JHY: variants seen among roughly 807,000 people sequenced by gnomAD.
JHY encodes jhy protein homolog.
JHY carries 69 observed loss-of-function variants against 78.0 expected under a neutral mutation model. The ratio of observed to expected loss-of-function variants is 0.88; its 90% CI spans 0.73 to 1.08. The LOEUF (loss-of-function observed/expected upper bound fraction) is 1.08, where lower values mean the gene tolerates loss of function less well. Ranked by LOEUF, JHY falls within the 50% of genes least tolerant of loss-of-function variation. JHY has a pLI of 0.00. For synonymous variants in JHY, 368 were observed against 342.6 expected, an observed-to-expected ratio of 1.07 and a Z score of -0.82; for missense variants, 944 against 927.8, an observed-to-expected ratio of 1.02 and a Z score of -0.23.
intron 3 of JHY, among the ~76,000 whole-genome samples, chr11:122,922,382 T>A (rs556052411): frequency 3.9e-5 from 6 of 152,206 alleles, no homozygotes; most frequent in African/African-American, 1.4e-4. Flanking sequence ...AAGAAAATGT[T>A]GTGTTTTGTC....
chr11:122,885,824 C>T lies in JHY; in HGVS notation c.-26C>T. The T allele has an allele frequency of 1.3e-6, 2 of 1,547,102 alleles. No individual in the cohort carries two copies. Among genetic ancestry groups the T allele is most frequent in the Non-Finnish European group, 1.8e-6 (2 of 1,128,386 alleles). On this transcript the variant is annotated 5_prime_UTR_variant, in exon 2 of 9. Coordinates refer to ENST00000227349, the MANE Select transcript of JHY (RefSeq NM_024806.4). ...GCTGCTCCTATCAACACGAGTATCC[C>T]CTGTTAATTTTTTGCATTTTTCAAG...
chr11:122,927,733 CTT>C (rs113552516), intron 4 of JHY, among the ~76,000 whole-genome samples: 30 of 140,172 alleles, frequency 2.1e-4, no homozygotes, highest in South Asian at 1.1e-3. Context: ...TTTCTTTTTT[CTT>C]TTTTTTTTTT....
chr11:122,957,349 GTT>G lies in JHY; in HGVS notation c.2011-12_2011-11del. 1 of 1,512,714 alleles carries G rather than the reference GTT, an allele frequency of 6.6e-7. No individual in the cohort carries two copies. Among genetic ancestry groups the G allele is most frequent in the Non-Finnish European group, 8.7e-7 (1 of 1,143,266 alleles). The allele number at this position is 1,512,714 out of a possible 1,614,324, so 93.7% of individuals were successfully genotyped here. A position where few individuals can be genotyped will look rare whatever the true frequency, so the allele number is the denominator to read the frequency against. On this transcript the variant is annotated splice_polypyrimidine_tract_variant and intron_variant, in intron 7 of 8. Transcript: ENST00000227349. ...CAGCACCTGGATTCATCATAACTTTGTTTCTCTGAACAGACGCAAAAATTAAT... is the reference window on the plus strand; with the variant it reads ...CAGCACCTGGATTCATCATAACTTTGTCTCTGAACAGACGCAAAAATTAAT...
intron 3 of JHY, 134 bp from the exon 4 acceptor site, chr11:122,924,763 A>T (rs771780588): frequency 2.3e-5 from 15 of 648,380 alleles, no homozygotes; most frequent in Non-Finnish European, 3.5e-5. Flanking sequence ...GACTGATGAG[A>T]TGAATCCTTG....
At chr11:122,940,887 A>C (rs560062518) in intron 5 of JHY, among the ~76,000 whole-genome samples, 1 of 142,074 alleles carries the variant, frequency 7.0e-6, no homozygotes, top group South Asian at 2.2e-4. Context: ...CTCTAGTATC[A>C]TTATGGACTC....
At chr11:122,913,358 T>G (rs1863170198) in intron 3 of JHY, among the ~76,000 whole-genome samples, 1 of 152,246 alleles carries the variant, frequency 6.6e-6, no homozygotes, top group Non-Finnish European at 1.5e-5. Context: ...ATTTGGTACT[T>G]TAGTTTTGAA....
chr11:122,930,264 A>G (rs1426915687), intron 4 of JHY, among the ~76,000 whole-genome samples: 1 of 152,058 alleles, frequency 6.6e-6, no homozygotes, highest in Non-Finnish European at 1.5e-5. Flanking sequence ...TATTTTTAGT[A>G]GAGACAGGGT....
At chr11:122,949,659 AC>A (rs1864044349) in intron 6 of JHY, among the ~76,000 whole-genome samples, 1 of 151,578 alleles carries the variant, frequency 6.6e-6, no homozygotes, top group South Asian at 2.1e-4. Context: ...ACATACCCCC[AC>A]CTGGGGATCT....
intron 3 of JHY, among the ~76,000 whole-genome samples, chr11:122,921,051 G>T (rs1367639723): frequency 6.6e-6 from 1 of 150,846 alleles, no homozygotes; most frequent in Non-Finnish European, 1.5e-5. Context: ...AAAAAAAATA[G>T]CTGGCAGAGG....
Position 122,961,145 on chromosome 11 carries a change from G to A in JHY, c.*1700G>A, listed in dbSNP as rs566200213. 1.5e-6 allele frequency: 1 copy of A among 666,610 alleles called. No individual in the cohort carries two copies. The highest frequency in any genetic ancestry group is 3.1e-5 in the East Asian group (1 of 32,190). The allele number at this position is 666,610 out of a possible 1,614,324, so 41.3% of individuals were successfully genotyped here. A position where few individuals can be genotyped will look rare whatever the true frequency, so the allele number is the denominator to read the frequency against. On this transcript the variant is annotated 3_prime_UTR_variant, in exon 9 of 9. Coordinates refer to ENST00000227349, the MANE Select transcript of JHY (RefSeq NM_024806.4). Reference sequence around the variant, plus strand: ...CAGTTGACTGACTAAATGGAAACTAGGCTATGTGGCAAAATCTTTCTGTAT... The same window carrying A: ...CAGTTGACTGACTAAATGGAAACTAAGCTATGTGGCAAAATCTTTCTGTAT...
chr11:122,955,730 AGATT>A (rs1864177448), intron 6 of JHY, among the ~76,000 whole-genome samples: 1 of 152,194 alleles, frequency 6.6e-6, no homozygotes, highest in African/African-American at 2.4e-5. Context: ...TATTATAAAT[AGATT>A]ATCATTGTTT....
chr11:122,946,960 G>T (rs1008268177), intron 6 of JHY, 168 bp downstream of exon 6: 2 of 693,438 alleles, frequency 2.9e-6, no homozygotes, highest in Non-Finnish European at 4.5e-6. Flanking sequence ...TACTCCCTGG[G>T]GTTTCCCTCC....
chr11:122,956,260 A>G (rs1036712341), intron 6 of JHY, among the ~76,000 whole-genome samples: 1 of 152,214 alleles, frequency 6.6e-6, no homozygotes, highest in African/African-American at 2.4e-5. Context: ...TTTATTGCAG[A>G]AGTGGAAAAG....
chr11:122,935,122 G>C lies in JHY; in HGVS notation c.1634+47G>C. ...GTGGTTTTCTAGAGGAGAAAGGAGAGACTGCTGCAGAAAGACGGGAGAGGA... is the reference window on the plus strand; with the variant it reads ...GTGGTTTTCTAGAGGAGAAAGGAGACACTGCTGCAGAAAGACGGGAGAGGA... On this transcript the variant is annotated intron_variant, in intron 5 of 8. Coordinates refer to ENST00000227349, the MANE Select transcript of JHY (RefSeq NM_024806.4). The surrounding 1 kb of genome is among the most constrained non-coding windows in gnomAD (Gnocchi z 4.5). 6.8e-7 allele frequency: 1 copy of C among 1,465,112 alleles called. No homozygotes were observed. The allele number at this position is 1,465,112 out of a possible 1,614,324, so 90.8% of individuals were successfully genotyped here. A position where few individuals can be genotyped will look rare whatever the true frequency, so the allele number is the denominator to read the frequency against.
In JHY at chr11:122,960,251, G is replaced by A. The variant is rs947145849; in HGVS notation, c.*806G>A. The stretch of plus-strand genomic sequence containing the variant: ...TCTGTCTGAACAACAACAACAAAAG[G>A]TTCCTGCCCTGACAGATTCTCTGGT... On this transcript the variant is annotated 3_prime_UTR_variant, in exon 9 of 9. Transcript: ENST00000227349. 3 of 153,210 alleles carry A rather than the reference G, an allele frequency of 2.0e-5. No individual in the cohort carries two copies. The highest frequency in any genetic ancestry group is 3.2e-3 in the Middle Eastern group (1 of 308). 9.5% of individuals were successfully genotyped at this position (153,210 alleles called of 1,614,324 possible).
At position 122,934,876 on chromosome 11, in the gene JHY, A is replaced by C. The variant is rs756428683; in HGVS notation, c.1435A>C (p.Arg479=). ...ERGHKDQEEK[R]FSYQQLHTLS... ...AGGACACAAAGACCAAGAAGAGAAA[A>C]GATTTTCATATCAGCAGCTACACAC... The change falls in exon 5 of 9, where the codon AGA becomes CGA. Residue 479 remains arginine (R), a synonymous_variant. Coordinates refer to ENST00000227349, the MANE Select transcript of JHY (RefSeq NM_024806.4). 8.7e-6 allele frequency: 14 copies of C among 1,613,914 alleles called. No individual in the cohort carries two copies. Among genetic ancestry groups the C allele is most frequent in the Non-Finnish European group, 1.2e-5 (14 of 1,180,000 alleles).
chr11:122,924,286 T>C (rs1371625703), intron 3 of JHY, among the ~76,000 whole-genome samples: 1 of 152,162 alleles, frequency 6.6e-6, no homozygotes, highest in East Asian at 1.9e-4. Flanking sequence ...GTTAGCAACA[T>C]TGTTGCATGT....
intron 6 of JHY, among the ~76,000 whole-genome samples, chr11:122,950,745 T>C (rs1864068809): frequency 6.6e-6 from 1 of 152,214 alleles, no homozygotes; most frequent in East Asian, 1.9e-4. Flanking sequence ...GTTAATTGAA[T>C]TTATGTTTTA....
At chr11:122,893,901 C>T (rs922984705) in intron 2 of JHY, among the ~76,000 whole-genome samples, 3 of 152,150 alleles carry the variant, frequency 2.0e-5, no homozygotes, top group Non-Finnish European at 4.4e-5. Context: ...GGTGGAAAGA[C>T]TTGCCCAAGC....
Sources: gnomAD v4.1 joint callset for allele counts (sites outside exome capture counted in the v4.1 genomes callset) on GRCh38, gnomAD v4.1.1 for gene constraint, Gnocchi (gnomAD v3.1) non-coding constraint, MANE v1.5 for transcripts, NCBI Gene and HGNC (gene_info 2026-07-23, HGNC 2026-07-21) for gene names.